Variants in ZNF337 observed in about 807,000 individuals in gnomAD.
ZNF337 encodes zinc finger protein 337.
ZNF337 carries 8 observed loss-of-function variants against 12.1 expected under a neutral mutation model. The observed-to-expected ratio is 0.66, with a 90% confidence interval of 0.39 to 1.19. ZNF337 has a LOEUF of 1.19. Among genes scored for constraint, ZNF337 ranks in the 50% most tolerant of loss-of-function variants. ZNF337 has a pLI of 0.01. For synonymous variants in ZNF337, 336 were observed against 320.0 expected (o/e 1.05, Z -0.53); for missense variants, 882 against 896.6 (o/e 0.98, Z 0.21).
At position 25,673,330 on chromosome 20, in the gene ZNF337, G is replaced by A. The variant is rs986418854; in HGVS notation, c.*1702C>T. On this transcript the variant is annotated 3_prime_UTR_variant, in exon 5 of 5. Transcript: ENST00000252979. Reference sequence around the variant, plus strand: ...AGCATCACAAATACCATTTACAAAAGGATAGGCATATTGCATGTATCTTCC... The same window carrying A: ...AGCATCACAAATACCATTTACAAAAAGATAGGCATATTGCATGTATCTTCC... 2.0e-5 allele frequency among the ~76,000 whole-genome samples: 3 copies of A among 152,228 alleles called. No individual in the cohort carries two copies. The highest frequency in any genetic ancestry group is 7.2e-5 in the African/African-American group (3 of 41,448).
At chr20:25,689,376 AC>A (rs1009431051) in intron 1 of ZNF337, among the ~76,000 whole-genome samples, 14 of 152,238 alleles carry the variant, frequency 9.2e-5, no homozygotes, top group Admixed American at 7.2e-4. Context: ...TTTTTTGGGA[AC>A]AAACTCTATT....
At chr20:25,691,857 A>C (rs1401826336) in intron 1 of ZNF337, among the ~76,000 whole-genome samples, 1 of 152,178 alleles carries the variant, frequency 6.6e-6, no homozygotes, top group Non-Finnish European at 1.5e-5. Flanking sequence ...GTTTTACTGG[A>C]GATACAGTCC....
At chr20:25,678,466 T>C (rs1010315851) in intron 4 of ZNF337, among the ~76,000 whole-genome samples, 5 of 152,166 alleles carry the variant, frequency 3.3e-5, no homozygotes, top group Non-Finnish European at 7.4e-5. Flanking sequence ...TTCACTGCAA[T>C]ACCTATTAAA....
In ZNF337 at chr20:25,676,544, C is replaced by T. The variant is rs1409284699; in HGVS notation, c.744G>A (p.Lys248=). Residue 248 remains lysine (K), a synonymous_variant, in exon 5 of 5, where the codon AAG becomes AAA. Coordinates refer to ENST00000252979, the MANE Select transcript of ZNF337 (RefSeq NM_015655.4). ...TCCTCTGGTGTCTGAGGAGGTTGGC[C>T]TTGAGGCTGAAGCCTCGCCCACACA... ...CSVCGRGFSL[K]ANLLRHQRTH... is the part of the protein sequence containing the mutation. 4 of 1,614,052 alleles carry T rather than the reference C, an allele frequency of 2.5e-6. No homozygotes were observed. Among genetic ancestry groups the T allele is most frequent in the Non-Finnish European group, 3.4e-6 (4 of 1,180,028 alleles).
rs1382166421 is a variant in ZNF337, at chr20:25,696,093, C to A, written c.-50+666G>T. On this transcript the variant is annotated intron_variant, in intron 1 of 4. Transcript: ENST00000252979. ...GGACGCTGCCCCACGCAGATCCCCC[C>A]CCCCCCCCACCAAAACACGTCTAGA... Among the ~76,000 whole-genome samples the A allele has an allele frequency of 5.6e-5, 7 of 124,330 alleles. 1 individual carries two copies. Among genetic ancestry groups the A allele is most frequent in the Non-Finnish European group, 8.7e-5 (5 of 57,378 alleles). 81.6% of individuals were successfully genotyped at this position (124,330 alleles called of 152,430 possible). A position where few individuals can be genotyped will look rare whatever the true frequency, so the allele number is the denominator to read the frequency against.
intron 1 of ZNF337, among the ~76,000 whole-genome samples, chr20:25,687,935 G>A (rs746392239): frequency 2.0e-5 from 3 of 152,186 alleles, no homozygotes; most frequent in Non-Finnish European, 4.4e-5. Flanking sequence ...TCTTTCTGTG[G>A]CATGTCCTCA....
chr20:25,687,791 A>C (rs1198492143), intron 1 of ZNF337, among the ~76,000 whole-genome samples: 1 of 152,248 alleles, frequency 6.6e-6, no homozygotes, highest in Non-Finnish European at 1.5e-5. Context: ...AGATGAATGC[A>C]TAACTATTTT....
Position 25,676,868 on chromosome 20 carries a change from T to C in ZNF337, c.420A>G (p.Ala140=). 6.2e-7 allele frequency: 1 copy of C among 1,614,204 alleles called. No individual in the cohort carries two copies. The highest frequency in any genetic ancestry group is 8.5e-7 in the Non-Finnish European group (1 of 1,180,030). ...CACTGTTCCTCCTCCTTGAGCTTAC[T>C]GCATGTCTTAGGGGTGGGCTGGAAA... ...MAFSSPPLRH[A]VSSRRRNSVV... is the part of the protein sequence containing the mutation. The change falls in exon 5 of 5, where the codon GCA becomes GCG. Residue 140 remains alanine, a synonymous_variant. Coordinates refer to ENST00000252979, the MANE Select transcript of ZNF337 (RefSeq NM_015655.4).
rs1375622511 is a variant in ZNF337 at position 25,675,210 on chromosome 20, C to A, written c.2078G>T (p.Gly693Val). Residue 693 changes from glycine (G) to valine (V), a missense_variant, in exon 5 of 5, where the codon GGC (glycine) becomes GTC (valine). Coordinates refer to ENST00000252979, the MANE Select transcript of ZNF337 (RefSeq NM_015655.4). ...KPFVCQECKR[G>V]YTSKSDLTVH... ...AGTGAGGTCTGACTTACTGGTATAGCCTCGCTTACACTCCTGGCAAACAAA... is the reference window on the plus strand; with the variant it reads ...AGTGAGGTCTGACTTACTGGTATAGACTCGCTTACACTCCTGGCAAACAAA... 1.2e-6 allele frequency: 2 copies of A among 1,614,242 alleles called. No individual in the cohort carries two copies. Among genetic ancestry groups the A allele is most frequent in the East Asian group, 4.5e-5 (2 of 44,874 alleles).
chr20:25,690,141 C>T (rs754352602), intron 1 of ZNF337, among the ~76,000 whole-genome samples: 1 of 152,158 alleles, frequency 6.6e-6, no homozygotes, highest in Non-Finnish European at 1.5e-5. Context: ...TAAACATTAG[C>T]TGGATGTGGT....
chr20:25,674,073 T>C lies in ZNF337; in HGVS notation c.*959A>G, dbSNP rs1750962781. ...CAGACTGTTCTTGGTATCAGCTGTG[T>C]TGGAGGGAGTTCTCTGCAAAGACCA... On this transcript the variant is annotated 3_prime_UTR_variant, in exon 5 of 5. Coordinates refer to ENST00000252979, the MANE Select transcript of ZNF337 (RefSeq NM_015655.4). The C allele has an allele frequency of 6.6e-6, 1 of 152,232 alleles. No individual in the cohort carries two copies. The highest frequency in any genetic ancestry group is 2.4e-5 in the African/African-American group (1 of 41,456). The allele number at this position is 152,232 out of a possible 1,614,324, so 9.4% of individuals were successfully genotyped here.
At chr20:25,695,294 A>C (rs2065912208) in intron 1 of ZNF337, among the ~76,000 whole-genome samples, 1 of 151,926 alleles carries the variant, frequency 6.6e-6, no homozygotes, top group South Asian at 2.1e-4. Context: ...AAACACAAAA[A>C]CCCAAAAAAC....
In ZNF337 at chr20:25,675,950, G is replaced by A. The variant is rs931018555; in HGVS notation, c.1338C>T (p.Thr446=). The change falls in exon 5 of 5, where the codon ACC becomes ACT. Residue 446 remains threonine, a synonymous_variant. Transcript: ENST00000252979. ...ECGQGFIQKS[T]LVKHQITHSE... ...AGTGTGTGATCTGATGTTTCACAAG[G>A]GTTGACTTCTGAATAAATCCTTGCC... The A allele has an allele frequency of 1.2e-6, 2 of 1,611,124 alleles. No individual in the cohort carries two copies. Among genetic ancestry groups the A allele is most frequent in the African/African-American group, 2.7e-5 (2 of 74,050 alleles).
intron 4 of ZNF337, among the ~76,000 whole-genome samples, chr20:25,679,667 G>A (rs1342926571): frequency 1.3e-5 from 2 of 151,930 alleles, no homozygotes; most frequent in Non-Finnish European, 2.9e-5. Flanking sequence ...AACAAATAAT[G>A]GCAAAGATGC....
At position 25,696,087 on chromosome 20, in the gene ZNF337, T is replaced by TCCCCCCCC. The variant is rs149644721; in HGVS notation, c.-50+664_-50+671dup. 4.6e-4 allele frequency among the ~76,000 whole-genome samples: 24 copies of TCCCCCCCC among 52,106 alleles called. 5 individuals carry two copies. The highest frequency in any genetic ancestry group is 8.5e-4 in the Admixed American group (3 of 3,518). 34.2% of individuals were successfully genotyped at this position (52,106 alleles called of 152,430 possible). On this transcript the variant is annotated intron_variant, in intron 1 of 4. Transcript: ENST00000252979. ...TCCCGCGGACGCTGCCCCACGCAGA[T>TCCCCCCCC]CCCCCCCCCCCCCCACCAAAACACG...
Position 25,696,846 on chromosome 20 carries a change from C to T in ZNF337, c.-137G>A, listed in dbSNP as rs1392875828. The T allele has an allele frequency of 3.0e-6, 3 of 984,198 alleles. No individual in the cohort carries two copies. The highest frequency in any genetic ancestry group is 4.7e-5 in the South Asian group (1 of 21,258). 61.0% of individuals were successfully genotyped at this position (984,198 alleles called of 1,614,324 possible). A position where few individuals can be genotyped will look rare whatever the true frequency, so the allele number is the denominator to read the frequency against. ...CTCGCTGACGCCCAGGGATCTGGAA[C>T]GCTCTGCGCCGCCCGGGACTACACT... On this transcript the variant is annotated 5_prime_UTR_variant, in exon 1 of 5. Coordinates refer to ENST00000252979, the MANE Select transcript of ZNF337 (RefSeq NM_015655.4).
chr20:25,674,982 G>T lies in ZNF337; in HGVS notation c.*50C>A, dbSNP rs2065658999. Reference sequence around the variant, plus strand: ...AGCCTCAACTAAAGCTTGTAACAAAGCAAAGTTACTCTCCTGAGTGTGTCC... The same window carrying T: ...AGCCTCAACTAAAGCTTGTAACAAATCAAAGTTACTCTCCTGAGTGTGTCC... On this transcript the variant is annotated 3_prime_UTR_variant, in exon 5 of 5. Coordinates refer to ENST00000252979, the MANE Select transcript of ZNF337 (RefSeq NM_015655.4). The T allele has an allele frequency of 6.5e-7, 1 of 1,540,716 alleles. No homozygotes were observed.
chr20:25,693,039 C>T (rs1043012809), intron 1 of ZNF337, among the ~76,000 whole-genome samples: 8 of 152,164 alleles, frequency 5.3e-5, no homozygotes, highest in African/African-American at 1.9e-4. Flanking sequence ...CAGCTTGCTC[C>T]ACAACCCAGT....
At chr20:25,687,465 G>A (rs1003580673) in intron 1 of ZNF337, among the ~76,000 whole-genome samples, 1 of 152,082 alleles carries the variant, frequency 6.6e-6, no homozygotes, top group Non-Finnish European at 1.5e-5. Flanking sequence ...CAGACATATA[G>A]GGGTGAAAAG....
Sources: gnomAD v4.1 joint callset for allele counts (sites outside exome capture counted in the v4.1 genomes callset) on GRCh38, gnomAD v4.1.1 for gene constraint, MANE v1.5 for transcripts, NCBI Gene and HGNC (gene_info 2026-07-23, HGNC 2026-07-21) for gene names.